The following C7 variants were observed in gnomAD, a reference collection of about 807,000 sequenced individuals.
C7 encodes complement C7, also known as complement component C7.
In C7, 83 loss-of-function variants were observed where a neutral mutation model predicts 104.8. That is an observed-to-expected ratio of 0.79 (90% CI 0.66 to 0.95). The LOEUF (loss-of-function observed/expected upper bound fraction) is 0.95, where lower values mean the gene tolerates loss of function less well. Among genes scored for constraint, C7 ranks in the 40% least tolerant of loss-of-function variants. The pLI, the probability that C7 is intolerant of heterozygous loss-of-function variation, is 0.00. For synonymous variants in C7, 415 were observed against 360.6 expected (o/e 1.15, Z -1.71); for missense variants, 1,070 against 1,011.2 (o/e 1.06, Z -0.79).
intron 14 of C7, among the ~76,000 whole-genome samples, chr5:40,970,983 C>A (rs1740686469): frequency 6.6e-6 from 1 of 152,150 alleles, no homozygotes; most frequent in African/African-American, 2.4e-5. Context: ...TCCAGTCTAT[C>A]ATTGATGGGC....
Position 40,964,684 on chromosome 5 carries a change from T to C in C7, c.1750-57T>C, listed in dbSNP as rs138901536. On this transcript the variant is annotated intron_variant, in intron 13 of 17. Transcript: ENST00000313164. The stretch of plus-strand genomic sequence containing the variant: ...TAGACTGAATATATGTAAAGAAACG[T>C]TTTGTTAATGCAAAATAGACAAACT... The C allele has an allele frequency of 2.1e-5, 32 of 1,498,876 alleles. No individual in the cohort carries two copies. The African/African-American group carries it at 4.0e-4, about 19-fold the overall frequency. 92.8% of individuals were successfully genotyped at this position (1,498,876 alleles called of 1,614,324 possible). A position where few individuals can be genotyped will look rare whatever the true frequency, so the allele number is the denominator to read the frequency against.
intron 3 of C7, among the ~76,000 whole-genome samples, chr5:40,933,151 A>G (rs1320271885): frequency 6.6e-6 from 1 of 152,160 alleles, no homozygotes; most frequent in Non-Finnish European, 1.5e-5. Flanking sequence ...TTGCTTAAAC[A>G]TGATGAAAGA....
chr5:40,966,958 A>C (rs1158899626), intron 14 of C7, among the ~76,000 whole-genome samples: 2 of 152,178 alleles, frequency 1.3e-5, no homozygotes, highest in African/African-American at 4.8e-5. Context: ...AATAAAGCCA[A>C]AAGTTTGTTC....
chr5:40,948,713 A>G (rs115356620), intron 8 of C7, among the ~76,000 whole-genome samples: 1,588 of 152,234 alleles, frequency 0.01, 27 homozygotes, highest in African/African-American at 0.037. Flanking sequence ...TAATGTTCCA[A>G]GTCAAACCTT....
intron 1 of C7, among the ~76,000 whole-genome samples, chr5:40,914,361 T>C (rs1183646309): frequency 6.6e-6 from 1 of 152,234 alleles, no homozygotes; most frequent in Non-Finnish European, 1.5e-5. Flanking sequence ...TTCTGGATAT[T>C]AGTTCTCTGT....
chr5:40,945,940 T>A (rs2111625546), intron 7 of C7, among the ~76,000 whole-genome samples: 1 of 147,176 alleles, frequency 6.8e-6, no homozygotes, highest in South Asian at 2.1e-4. Context: ...AAACTTCTCA[T>A]TAAAAATATT....
intron 1 of C7, among the ~76,000 whole-genome samples, chr5:40,915,823 GA>G (rs374034579): frequency 6.6e-6 from 1 of 151,946 alleles, no homozygotes; most frequent in Non-Finnish European, 1.5e-5. Flanking sequence ...TTTTACAACT[GA>G]AAAAAAGATA....
chr5:40,935,891 G>A (rs957113575), intron 4 of C7, among the ~76,000 whole-genome samples: 26 of 152,112 alleles, frequency 1.7e-4, no homozygotes, highest in South Asian at 2.1e-4. Context: ...ATTGTGCTAC[G>A]GAAATGTTGA....
intron 17 of C7, 196 bp downstream of exon 17, chr5:40,980,105 T>C (rs1740910791): frequency 2.5e-6 from 1 of 404,040 alleles, no homozygotes; most frequent in Non-Finnish European, 4.3e-6. Flanking sequence ...CCTCAGAGGA[T>C]AAGATTCCCA....
Position 40,955,273 on chromosome 5 carries a change from A to G in C7, c.1094-114A>G, listed in dbSNP as rs954724765. ...CATCCCTCCCTTCTTTCTGACCACA[A>G]TTTATCTTTTGACTGTTTCCATAGT... On this transcript the variant is annotated intron_variant, in intron 9 of 17. Transcript: ENST00000313164. 16 of 971,296 alleles carry G rather than the reference A, an allele frequency of 1.6e-5. No homozygotes were observed. In the East Asian group the frequency reaches 3.2e-4, roughly 19 times the overall value. 60.2% of individuals were successfully genotyped at this position (971,296 alleles called of 1,614,324 possible).
intron 1 of C7, among the ~76,000 whole-genome samples, chr5:40,913,981 C>T (rs1273494820): frequency 6.6e-6 from 1 of 152,182 alleles, no homozygotes; most frequent in East Asian, 1.9e-4. Flanking sequence ...GTCCGACCGC[C>T]CCAAATAATT....
At chr5:40,957,058 C>A (rs977401704) in intron 10 of C7, among the ~76,000 whole-genome samples, 1 of 152,230 alleles carries the variant, frequency 6.6e-6, no homozygotes, top group East Asian at 1.9e-4. Flanking sequence ...AGGTACATGA[C>A]TATGCAAAGC....
intron 1 of C7, among the ~76,000 whole-genome samples, chr5:40,922,165 A>C (rs535450699): frequency 1.0e-3 from 157 of 151,846 alleles, no homozygotes; most frequent in African/African-American, 3.7e-3. Flanking sequence ...TCACAAGGTC[A>C]GGAGTTCAAG....
At chr5:40,937,189 A>G (rs1227094353) in intron 5 of C7, 1 of 157,516 alleles carries the variant, frequency 6.3e-6, no homozygotes, top group Non-Finnish European at 1.4e-5. Flanking sequence ...TATTATAGAG[A>G]GCTCTCTCTC....
At chr5:40,950,240 T>C (rs1191455341) in intron 9 of C7, among the ~76,000 whole-genome samples, 1 of 107,438 alleles carries the variant, frequency 9.3e-6, no homozygotes, top group Non-Finnish European at 2.3e-5. Flanking sequence ...TGTGTGTTGC[T>C]CCTCTGTCTA....
intron 8 of C7, among the ~76,000 whole-genome samples, chr5:40,949,373 A>AAC (rs1554042872): frequency 1.3e-5 from 2 of 150,416 alleles, no homozygotes; most frequent in East Asian, 1.9e-4. Context: ...AAAAAAAAAA[A>AAC]CACAAAAAAC....
At chr5:40,967,947 C>T (rs1740594693) in intron 14 of C7, among the ~76,000 whole-genome samples, 1 of 152,060 alleles carries the variant, frequency 6.6e-6, no homozygotes. Flanking sequence ...TGCTTTAAGT[C>T]TTTTGTCAGT....
At chr5:40,969,837 C>T (rs1184232090) in intron 14 of C7, among the ~76,000 whole-genome samples, 1 of 151,936 alleles carries the variant, frequency 6.6e-6, no homozygotes, top group East Asian at 1.9e-4. Context: ...GTAATCACCA[C>T]ATTAGACTTC....
Position 40,947,633 on chromosome 5 carries a change from T to C in C7, c.770T>C (p.Val257Ala), listed in dbSNP as rs770373609. 4.3e-6 allele frequency: 7 copies of C among 1,613,372 alleles called. No homozygotes were observed. In the African/African-American group the frequency reaches 6.7e-5, roughly 15 times the overall value. Residue 257 changes from valine (V) to alanine (A), a missense_variant, in exon 8 of 18, where the codon GTT (valine) becomes GCT (alanine). Coordinates refer to ENST00000313164, the MANE Select transcript of C7 (RefSeq NM_000587.4). ...SYQLLVVENT[V>A]EVAQFINNNP... is the part of the protein sequence containing the mutation. Reference sequence around the variant, plus strand: ...CAACTGCTGGTTGTTGAGAACACTGTTGAAGTGGCTCAGTTCATTAATAAC... The same window carrying C: ...CAACTGCTGGTTGTTGAGAACACTGCTGAAGTGGCTCAGTTCATTAATAAC...
Sources: gnomAD v4.1 joint callset for allele counts (sites outside exome capture counted in the v4.1 genomes callset) on GRCh38, gnomAD v4.1.1 for gene constraint, MANE v1.5 for transcripts, NCBI Gene and HGNC (gene_info 2026-07-23, HGNC 2026-07-21) for gene names.